Variants in SMOC1 observed in about 807,000 individuals in gnomAD.
SMOC1 encodes SPARC-related modular calcium-binding protein 1.
SMOC1 carries 22 observed loss-of-function variants against 56.3 expected under a neutral mutation model. That is an observed-to-expected ratio of 0.39 (90% CI 0.28 to 0.56). The LOEUF (loss-of-function observed/expected upper bound fraction) is 0.56, where lower values mean the gene tolerates loss of function less well. Among genes scored for constraint, SMOC1 ranks in the 20% least tolerant of loss-of-function variants. The pLI is 0.61. For synonymous variants in SMOC1, 193 were observed against 215.0 expected (o/e 0.90, Z 0.89); for missense variants, 509 against 565.4 (o/e 0.90, Z 1.01).
At chr14:69,902,041 A>C (rs1884255459) in intron 1 of SMOC1, among the ~76,000 whole-genome samples, 1 of 152,212 alleles carries the variant, frequency 6.6e-6, no homozygotes, top group Admixed American at 6.5e-5. Context: ...TGCATGACCC[A>C]GGCCTGATCA....
Position 69,965,112 on chromosome 14 carries a change from G to A in SMOC1, c.379-10603G>A, listed in dbSNP as rs971271239. On this transcript the variant is annotated intron_variant, in intron 3 of 11. Transcript: ENST00000361956. The stretch of plus-strand genomic sequence containing the variant: ...AGATGACTAGGCCGGGTGCAGTAGC[G>A]CACGCCTGTAATCCCAGCACTTTGG... 1.8e-4 allele frequency among the ~76,000 whole-genome samples: 27 copies of A among 152,130 alleles called. 1 individual carries two copies. The highest frequency in any genetic ancestry group is 1.0e-3 in the South Asian group (5 of 4,816).
intron 1 of SMOC1, among the ~76,000 whole-genome samples, chr14:69,899,886 C>A (rs6573916): frequency 6.6e-6 from 1 of 151,974 alleles, no homozygotes; most frequent in Non-Finnish European, 1.5e-5. Flanking sequence ...AGATTTCTGC[C>A]CTGGTAAGCT....
chr14:70,011,540 G>A lies in SMOC1; in HGVS notation c.913G>A (p.Asp305Asn). 2.5e-6 allele frequency: 4 copies of A among 1,612,274 alleles called. No individual in the cohort carries two copies. Among genetic ancestry groups the A allele is most frequent in the Middle Eastern group, 1.7e-4 (1 of 6,050 alleles). ...DARAKTTEAD[D>N]PFKDRELPGC... is the part of the protein sequence containing the mutation. ...CAGGGCCAAGACTACAGAGGCGGAT[G>A]ACCCCTTCAAGGACAGGGAGCTACC... The change falls in exon 9 of 12, where the codon GAC (aspartate) becomes AAC (asparagine). Residue 305 changes from aspartate to asparagine, a missense_variant. Physicochemically the swap from Asp to Asn is conservative, Grantham distance 23. This residue lies in a region of SMOC1 where 176 missense variants were observed against 188.1 expected (regional missense o/e 0.94). Coordinates refer to ENST00000361956, the MANE Select transcript of SMOC1 (RefSeq NM_001034852.3).
Position 69,885,440 on chromosome 14 carries a change from C to T in SMOC1, c.99+5663C>T, listed in dbSNP as rs143438446. ...CAGGACATTGCCACCCCAGTGACGG[C>T]GGATCTCATCGTATCTGTCATTGTA... On this transcript the variant is annotated intron_variant, in intron 1 of 11. Coordinates refer to ENST00000361956, the MANE Select transcript of SMOC1 (RefSeq NM_001034852.3). The T allele has an allele frequency of 1.3e-3, 2,085 of 1,601,234 alleles. 20 individuals carry two copies. In the African/African-American group the frequency reaches 0.024, roughly 19 times the overall value.
chr14:69,884,949 T>C (rs781331278), intron 1 of SMOC1, among the ~76,000 whole-genome samples: 4 of 152,196 alleles, frequency 2.6e-5, no homozygotes, highest in Non-Finnish European at 5.9e-5. Flanking sequence ...TTTAGGGTTT[T>C]TTTTTCTATT....
At position 70,020,151 on chromosome 14, in the gene SMOC1, C is replaced by CT. The variant is rs78716484; in HGVS notation, c.1047-3040dup. Among the ~76,000 whole-genome samples, 243 of 146,720 alleles carry CT rather than the reference C, an allele frequency of 1.7e-3. 3 individuals carry two copies. The highest frequency in any genetic ancestry group is 0.016 in the East Asian group (79 of 5,012). Reference sequence around the variant, plus strand: ...GGGTTTTGTTTTGTTTTGTTTTTGTCTTTTTTTTTTTTAACCTGAGTCCAT... The same window carrying CT: ...GGGTTTTGTTTTGTTTTGTTTTTGTCTTTTTTTTTTTTTAACCTGAGTCCAT... On this transcript the variant is annotated intron_variant, in intron 10 of 11. Coordinates refer to ENST00000361956, the MANE Select transcript of SMOC1 (RefSeq NM_001034852.3).
chr14:69,957,205 G>A (rs1232947932), intron 3 of SMOC1, among the ~76,000 whole-genome samples: 1 of 152,214 alleles, frequency 6.6e-6, no homozygotes, highest in Non-Finnish European at 1.5e-5. Flanking sequence ...GTGGAAGGGT[G>A]TTGGGCTGTC....
intron 1 of SMOC1, among the ~76,000 whole-genome samples, chr14:69,880,705 A>G (rs769672874): frequency 1.8e-4 from 27 of 152,242 alleles, no homozygotes; most frequent in Admixed American, 3.9e-4. Flanking sequence ...TGTCAGGGCA[A>G]TTGACTCTTA....
chr14:70,013,445 G>A lies in SMOC1; in HGVS notation c.1000G>A (p.Asp334Asn), dbSNP rs1885404966. ...ITSLLDALTT[D>N]MVQAINSAAP... ...CAGCCTACTGGATGCTCTCACCACT[G>A]ACATGGTTCAGGCCATTAACTCAGC... The change falls in exon 10 of 12, where the codon GAC (aspartate) becomes AAC (asparagine). Residue 334 changes from aspartate to asparagine, a missense_variant. Around this residue, in one of 3 missense-constraint regions of SMOC1, gnomAD observed 176 missense variants for 188.1 expected, o/e 0.94. Coordinates refer to ENST00000361956, the MANE Select transcript of SMOC1 (RefSeq NM_001034852.3). The A allele has an allele frequency of 6.2e-7, 1 of 1,614,074 alleles. No homozygotes were observed. Among genetic ancestry groups the A allele is most frequent in the South Asian group, 1.1e-5 (1 of 91,084 alleles).
chr14:69,978,257 G>A (rs924525724), intron 5 of SMOC1, among the ~76,000 whole-genome samples: 2 of 152,270 alleles, frequency 1.3e-5, no homozygotes, highest in East Asian at 1.9e-4. Context: ...TGGGGAGCTC[G>A]GTCAATCAAC....
chr14:69,989,205 G>A (rs989674567), intron 5 of SMOC1, among the ~76,000 whole-genome samples: 1 of 152,084 alleles, frequency 6.6e-6, no homozygotes, highest in Non-Finnish European at 1.5e-5. Context: ...ACTTAATATT[G>A]TCTATCTTTT....
intron 7 of SMOC1, among the ~76,000 whole-genome samples, chr14:70,008,402 A>G (rs1427975151): frequency 2.0e-5 from 3 of 152,174 alleles, no homozygotes; most frequent in Non-Finnish European, 4.4e-5. Flanking sequence ...GCCTTTCCAA[A>G]TGCTGGGATT....
intron 1 of SMOC1, among the ~76,000 whole-genome samples, chr14:69,909,330 A>C (rs1183091551): frequency 6.6e-6 from 1 of 152,230 alleles, no homozygotes; most frequent in African/African-American, 2.4e-5. Flanking sequence ...TGATCTGAAC[A>C]TGTAATACAC....
intron 1 of SMOC1, among the ~76,000 whole-genome samples, chr14:69,916,806 C>T (rs979253152): frequency 3.3e-5 from 5 of 152,194 alleles, no homozygotes; most frequent in African/African-American, 9.7e-5. Flanking sequence ...TTTGTCTTGC[C>T]TTATTTTTCT....
chr14:70,027,659 G>C (rs1057085912), intron 11 of SMOC1, among the ~76,000 whole-genome samples: 2 of 152,164 alleles, frequency 1.3e-5, no homozygotes, highest in South Asian at 4.1e-4. Context: ...ACAATTACCG[G>C]ATCTTTAATC....
At chr14:69,905,312 G>T (rs1196813050) in intron 1 of SMOC1, among the ~76,000 whole-genome samples, 2 of 152,026 alleles carry the variant, frequency 1.3e-5, no homozygotes, top group African/African-American at 4.8e-5. Flanking sequence ...ATGTGCAAAG[G>T]CATAGAAGTA....
intron 1 of SMOC1, among the ~76,000 whole-genome samples, chr14:69,949,605 C>T (rs888805426): frequency 6.6e-6 from 1 of 152,224 alleles, no homozygotes; most frequent in East Asian, 1.9e-4. Context: ...GGGAGAACCT[C>T]CTGGAAGAGA....
At chr14:69,937,955 A>C (rs957489174) in intron 1 of SMOC1, among the ~76,000 whole-genome samples, 72 of 152,114 alleles carry the variant, frequency 4.7e-4, no homozygotes, top group African/African-American at 1.6e-3. Flanking sequence ...TGTTTGTTTT[A>C]GCCTGCACTT....
At chr14:70,019,087 T>C (rs8019103) in intron 10 of SMOC1, among the ~76,000 whole-genome samples, 94,006 of 152,136 alleles carry the variant, frequency 0.62, 29,517 homozygotes, top group Non-Finnish European at 0.63. Context: ...CAAGGCCTGG[T>C]GGGGCTGAGG....
Sources: allele counts gnomAD v4.1 joint callset (sites outside exome capture counted in the v4.1 genomes callset), GRCh38; gene constraint gnomAD v4.1.1; regional missense constraint gnomAD v4.1.1; transcripts MANE v1.5; gene names NCBI Gene and HGNC (gene_info 2026-07-23, HGNC 2026-07-21).